Variants in FAM98B observed in about 807,000 individuals in gnomAD.
FAM98B encodes tRNA splicing ligase complex subunit 3B.
A neutral mutation model predicts 43.9 loss-of-function variants in FAM98B; 32 were observed. That is an observed-to-expected ratio of 0.73 (90% CI 0.55 to 0.98). The LOEUF (loss-of-function observed/expected upper bound fraction) is 0.98, where lower values mean the gene tolerates loss of function less well. FAM98B is among the 50% of genes least tolerant of loss of function. The probability of loss-of-function intolerance (pLI) is 0.00; values close to 1 mark genes in which losing one functional copy is unlikely to be tolerated. For synonymous variants in FAM98B, 190 were observed against 174.0 expected, an observed-to-expected ratio of 1.09 and a Z score of -0.72; for missense variants, 514 against 522.9, an observed-to-expected ratio of 0.98 and a Z score of 0.17.
chr15:38,466,426 G>A (rs1240405634), intron 3 of FAM98B, among the ~76,000 whole-genome samples: 2 of 152,056 alleles, frequency 1.3e-5, no homozygotes, highest in Non-Finnish European at 2.9e-5. Context: ...AGGAAACACC[G>A]GCTAGAGGAA....
In FAM98B at chr15:38,482,809, C is replaced by G. The variant is rs540391711; in HGVS notation, c.897+1350C>G. 7.9e-5 allele frequency: 12 copies of G among 152,272 alleles called. No homozygotes were observed. The East Asian group carries it at 2.3e-3, about 29-fold the overall frequency. The allele number at this position is 152,272 out of a possible 1,614,324, so 9.4% of individuals were successfully genotyped here. A position where few individuals can be genotyped will look rare whatever the true frequency, so the allele number is the denominator to read the frequency against. ...GACACCCTTCTTATTGCTATCTTTC[C>G]TCTGCTCATGGCATATAAAGCTGCT... On this transcript the variant is annotated intron_variant, in intron 7 of 7. Coordinates refer to ENST00000397609, the MANE Select transcript of FAM98B (RefSeq NM_173611.4).
Position 38,484,483 on chromosome 15 carries a change from T to TG in FAM98B, c.1133dup (p.Gly379ArgfsTer6), listed in dbSNP as rs1451089850. ...AGGTGGTGGGGGAGGGGGAGGAGGGTGGGGGGGAGGAGGAGGAGGTGGTAG... is the reference window on the plus strand; with the variant it reads ...AGGTGGTGGGGGAGGGGGAGGAGGGTGGGGGGGGAGGAGGAGGAGGTGGTAG... On this transcript the variant is annotated frameshift_variant, in exon 8 of 8. Transcript: ENST00000397609. LOFTEE classifies it low-confidence loss of function (END_TRUNC). 5.4e-4 allele frequency: 71 copies of TG among 132,522 alleles called. No homozygotes were observed. The highest frequency in any genetic ancestry group is 4.1e-3 in the East Asian group (3 of 730). The allele number at this position is 132,522 out of a possible 1,614,324, so 8.2% of individuals were successfully genotyped here.
intron 6 of FAM98B, among the ~76,000 whole-genome samples, chr15:38,479,168 A>G (rs1890248789): frequency 6.6e-6 from 1 of 151,938 alleles, no homozygotes; most frequent in Non-Finnish European, 1.5e-5. Flanking sequence ...GGGTTTTGCC[A>G]TGTTGCCCAG....
chr15:38,465,222 A>G (rs758085244), intron 2 of FAM98B, 47 bp from the exon 3 acceptor site: 3 of 1,555,298 alleles, frequency 1.9e-6, no homozygotes, highest in African/African-American at 2.8e-5. Flanking sequence ...GTATTGGATT[A>G]TATGGTAAAT....
At chr15:38,474,594 G>A (rs1185251666) in intron 6 of FAM98B, among the ~76,000 whole-genome samples, 9 of 152,206 alleles carry the variant, frequency 5.9e-5, no homozygotes, top group Non-Finnish European at 1.2e-4. Context: ...GATACAGTGA[G>A]CAGTGTAAGA....
At chr15:38,461,440 G>A (rs139474993) in intron 1 of FAM98B, among the ~76,000 whole-genome samples, 1 of 152,178 alleles carries the variant, frequency 6.6e-6, no homozygotes, top group East Asian at 1.9e-4. Context: ...TAATGATGGA[G>A]CATTTGGGTT....
At chr15:38,484,061 G>A (rs535192072) in intron 7 of FAM98B, among the ~76,000 whole-genome samples, 194 bp from the exon 8 acceptor site, 16 of 151,768 alleles carry the variant, frequency 1.1e-4, no homozygotes, top group Admixed American at 5.9e-4. Flanking sequence ...GTCTAGCCGT[G>A]ATTTTGTATC....
rs1354540350 is a variant in FAM98B at position 38,486,785 on chromosome 15, T to G, written c.*2126T>G. ...CTGATAATCTTTGTTCAGTAAAAATTTCTTTTGTAGAACAGTTTGCTGAGC... is the reference window on the plus strand; with the variant it reads ...CTGATAATCTTTGTTCAGTAAAAATGTCTTTTGTAGAACAGTTTGCTGAGC... On this transcript the variant is annotated 3_prime_UTR_variant, in exon 8 of 8. Coordinates refer to ENST00000397609, the MANE Select transcript of FAM98B (RefSeq NM_173611.4). 6.6e-6 allele frequency: 1 copy of G among 152,120 alleles called. No individual in the cohort carries two copies. Among genetic ancestry groups the G allele is most frequent in the Admixed American group, 6.6e-5 (1 of 15,258 alleles). 9.4% of individuals were successfully genotyped at this position (152,120 alleles called of 1,614,324 possible).
At chr15:38,465,047 A>G (rs185440838) in intron 2 of FAM98B, among the ~76,000 whole-genome samples, 19 of 151,346 alleles carry the variant, frequency 1.3e-4, no homozygotes, top group Admixed American at 9.9e-4. Context: ...ATATAGAAAT[A>G]TAGTAGAAAT....
At chr15:38,466,928 T>C (rs938353084) in intron 3 of FAM98B, among the ~76,000 whole-genome samples, 2 of 152,182 alleles carry the variant, frequency 1.3e-5, no homozygotes, top group Non-Finnish European at 2.9e-5. Context: ...TTCAGATCCT[T>C]CTCCTCCTCC....
rs996824336 is a variant in FAM98B at position 38,484,919 on chromosome 15, A to C, written c.*260A>C. The C allele has an allele frequency of 7.6e-6, 3 of 393,514 alleles. No individual in the cohort carries two copies. Among genetic ancestry groups the C allele is most frequent in the Non-Finnish European group, 1.3e-5 (3 of 235,660 alleles). 24.4% of individuals were successfully genotyped at this position (393,514 alleles called of 1,614,324 possible). A position where few individuals can be genotyped will look rare whatever the true frequency, so the allele number is the denominator to read the frequency against. On this transcript the variant is annotated 3_prime_UTR_variant, in exon 8 of 8. Coordinates refer to ENST00000397609, the MANE Select transcript of FAM98B (RefSeq NM_173611.4). ...TTAAAAAACAAAAAAAAGAACAAAA[A>C]TTATTTTTTAAAATGTAAATATTTA...
In FAM98B at chr15:38,464,142, C is replaced by G. The variant is rs1261933922; in HGVS notation, c.182C>G (p.Ser61Ter). The G allele has an allele frequency of 6.2e-7, 1 of 1,613,090 alleles. No homozygotes were observed. Residue 61 changes from serine to a stop codon, truncating the protein, a stop_gained, in exon 2 of 8, where the codon TCA becomes TGA. Transcript: ENST00000397609. LOFTEE classifies it high-confidence loss of function. ...LCIWLGSQIK[S>*]LCNLEESITS... ...ATTTGGTTAGGCTCTCAAATAAAAT[C>G]ATTATGCAACTTGGAAGAAAGTATC...
rs1369119001 is a variant in FAM98B at position 38,484,399 on chromosome 15, G to C, written c.1042G>C (p.Gly348Arg). Reference protein sequence around the residue: ...WGGGGGGGGRGGGGGGGGRGG... With the variant: ...WGGGGGGGGRRGGGGGGGRGG... ...TGGTGGTGGTGGAGGTGGTGGTAGA[G>C]GAGGTGGTGGGGGTGGGGGTGGGAG... The change falls in exon 8 of 8, where the codon GGA (glycine) becomes CGA (arginine). Residue 348 changes from glycine (G) to arginine (R), a missense_variant. Around this residue, in one of 2 missense-constraint regions of FAM98B, gnomAD observed 469 missense variants for 451.8 expected, o/e 1.04. Coordinates refer to ENST00000397609, the MANE Select transcript of FAM98B (RefSeq NM_173611.4). 1 of 1,255,322 alleles carries C rather than the reference G, an allele frequency of 8.0e-7. No homozygotes were observed. Among genetic ancestry groups the C allele is most frequent in the Non-Finnish European group, 1.0e-6 (1 of 996,998 alleles). The allele number at this position is 1,255,322 out of a possible 1,614,324, so 77.8% of individuals were successfully genotyped here.
intron 1 of FAM98B, among the ~76,000 whole-genome samples, chr15:38,457,753 T>C (rs543199604): frequency 7.2e-5 from 11 of 152,156 alleles, no homozygotes; most frequent in African/African-American, 2.4e-4. Context: ...CAAGAGGTAA[T>C]AGATGAAAAC....
chr15:38,483,574 G>C (rs1325674838), intron 7 of FAM98B: 2 of 149,124 alleles, frequency 1.3e-5, no homozygotes, highest in Non-Finnish European at 1.5e-5. Context: ...GCTGAGGCAG[G>C]AGAATGGCGT....
intron 6 of FAM98B, among the ~76,000 whole-genome samples, chr15:38,477,797 G>A (rs911299854): frequency 6.6e-6 from 1 of 152,190 alleles, no homozygotes; most frequent in African/African-American, 2.4e-5. Flanking sequence ...CTCCAGGGAT[G>A]TCTGTGTATT....
chr15:38,468,690 C>T (rs1890076925), intron 3 of FAM98B, among the ~76,000 whole-genome samples: 1 of 152,156 alleles, frequency 6.6e-6, no homozygotes. Flanking sequence ...CTCAATCTTG[C>T]CTGACCTTGG....
chr15:38,471,208 C>T (rs1019233061), intron 4 of FAM98B, among the ~76,000 whole-genome samples: 6 of 151,774 alleles, frequency 4.0e-5, no homozygotes, highest in South Asian at 2.1e-4. Flanking sequence ...ATCTCTTTTG[C>T]GTTGATAATT....
intron 4 of FAM98B, among the ~76,000 whole-genome samples, chr15:38,471,987 G>A (rs1353295177): frequency 2.6e-5 from 4 of 152,066 alleles, no homozygotes; most frequent in Admixed American, 2.6e-4. Context: ...CCCCTGTGTT[G>A]TATTACCTAG....
Sources: gnomAD v4.1 joint callset for allele counts (sites outside exome capture counted in the v4.1 genomes callset) on GRCh38, gnomAD v4.1.1 for gene constraint, gnomAD v4.1.1 regional missense constraint, MANE v1.5 for transcripts, NCBI Gene and HGNC (gene_info 2026-07-23, HGNC 2026-07-21) for gene names.